The following ITPR1 variants were observed in gnomAD, a reference collection of about 807,000 sequenced individuals.
ITPR1 encodes inositol 1,4,5-trisphosphate receptor type 1.
Under a neutral mutation model 318.4 loss-of-function variants are expected in ITPR1, and 96 were observed. That is an observed-to-expected ratio of 0.30 (90% CI 0.26 to 0.36). The LOEUF (loss-of-function observed/expected upper bound fraction) is 0.36. ITPR1 is among the 10% of genes least tolerant of loss of function. ITPR1 has a pLI of 1.00. For synonymous variants in ITPR1, 1,312 were observed against 1,289.9 expected, an observed-to-expected ratio of 1.02 and a Z score of -0.37; for missense variants, 2,440 against 3,460.2, an observed-to-expected ratio of 0.71 and a Z score of 7.40.
intron 42 of ITPR1, among the ~76,000 whole-genome samples, chr3:4,730,690 G>C (rs557232458): frequency 5.9e-5 from 9 of 152,048 alleles, no homozygotes; most frequent in Admixed American, 1.3e-4. Flanking sequence ...AAACACGAAG[G>C]GGGGAAGAAA....
intron 36 of ITPR1, among the ~76,000 whole-genome samples, chr3:4,705,147 A>T (rs2094730421): frequency 1.3e-5 from 2 of 152,070 alleles, no homozygotes; most frequent in African/African-American, 4.8e-5. Context: ...TAGTGTTTTG[A>T]AGCATTGAAG....
chr3:4,602,555 A>G (rs1278867290), intron 4 of ITPR1, among the ~76,000 whole-genome samples: 1 of 151,940 alleles, frequency 6.6e-6, no homozygotes, highest in Non-Finnish European at 1.5e-5. Context: ...AAAAACTTGT[A>G]CATAAACATT....
intron 4 of ITPR1, among the ~76,000 whole-genome samples, chr3:4,531,998 C>T (rs1053422164): frequency 6.6e-6 from 1 of 152,218 alleles, no homozygotes; most frequent in Non-Finnish European, 1.5e-5. Flanking sequence ...GTATACCTCA[C>T]AGGGTTTTCA....
In ITPR1 at chr3:4,710,625, A is replaced by T. The variant is rs1255610956; in HGVS notation, c.4991+152A>T. Among the ~76,000 whole-genome samples the T allele has an allele frequency of 6.6e-6, 1 of 152,202 alleles. No homozygotes were observed. Among genetic ancestry groups the T allele is most frequent in the Admixed American group, 6.5e-5 (1 of 15,286 alleles). On this transcript the variant is annotated intron_variant, in intron 38 of 61. Transcript: ENST00000649015. The surrounding 1 kb of genome is among the most constrained non-coding windows in gnomAD (Gnocchi z 4.2). ...AGTCCTGTTCTGACCTCCCCAAAGTAAGTTTGTCTATTAAATCCTGCTTAC... is the reference window on the plus strand; with the variant it reads ...AGTCCTGTTCTGACCTCCCCAAAGTTAGTTTGTCTATTAAATCCTGCTTAC...
At chr3:4,495,334 T>G (rs2080466464) in intron 2 of ITPR1, among the ~76,000 whole-genome samples, 1 of 152,178 alleles carries the variant, frequency 6.6e-6, no homozygotes, top group African/African-American at 2.4e-5. Context: ...TTTTTTAACA[T>G]TCTAAATATT....
chr3:4,828,779 A>G (rs2050246210), intron 60 of ITPR1, among the ~76,000 whole-genome samples: 2 of 152,148 alleles, frequency 1.3e-5, no homozygotes, highest in Non-Finnish European at 2.9e-5. Context: ...GGGAAGGGTG[A>G]TTGGTCATTC....
chr3:4,669,010 A>C (rs2094013836), intron 18 of ITPR1, among the ~76,000 whole-genome samples: 2 of 152,192 alleles, frequency 1.3e-5, no homozygotes, highest in Admixed American at 1.3e-4. Context: ...AGCAATTTAC[A>C]ATGTGGGTGT....
intron 43 of ITPR1, among the ~76,000 whole-genome samples, chr3:4,733,992 T>C (rs1186205588): frequency 6.6e-6 from 1 of 152,242 alleles, no homozygotes; most frequent in Non-Finnish European, 1.5e-5. Flanking sequence ...GTGGGGCAGC[T>C]TCAGATCCTT....
chr3:4,727,235 AGCC>A, intron 42 of ITPR1, 62 bp downstream of exon 42: 3 of 1,200,490 alleles, frequency 2.5e-6, no homozygotes, highest in Non-Finnish European at 3.5e-6. Flanking sequence ...CACCTCCATC[AGCC>A]ACACACTGTG....
intron 5 of ITPR1, among the ~76,000 whole-genome samples, chr3:4,629,089 A>G (rs1352436297): frequency 1.4e-5 from 2 of 145,806 alleles, no homozygotes; most frequent in East Asian, 2.0e-4. Flanking sequence ...TTGAACCTAA[A>G]GTGAAATCCA....
intron 2 of ITPR1, among the ~76,000 whole-genome samples, chr3:4,511,975 A>T (rs141457869): frequency 6.6e-6 from 1 of 152,104 alleles, no homozygotes; most frequent in African/African-American, 2.4e-5. Context: ...GGGCTAAGGG[A>T]GGGGACAGGA....
intron 13 of ITPR1, among the ~76,000 whole-genome samples, chr3:4,660,233 A>G (rs773382687): frequency 6.6e-6 from 1 of 152,166 alleles, no homozygotes; most frequent in Non-Finnish European, 1.5e-5. Context: ...GGTTGAATCT[A>G]TACTTCCATG....
rs1428624432 is a variant in ITPR1 at position 4,710,430 on chromosome 3, A to T, written c.4948A>T (p.Thr1650Ser). The change falls in exon 38 of 62, where the codon ACA becomes TCA. Residue 1650 changes from threonine to serine, a missense_variant. By Grantham distance (58) the Thr-to-Ser change is moderately conservative (BLOSUM62 1). Around this residue, in one of 23 missense-constraint regions of ITPR1, gnomAD observed 166 missense variants for 246.5 expected, o/e 0.67. Transcript: ENST00000649015. The surrounding 1 kb of genome is among the most constrained non-coding windows in gnomAD (Gnocchi z 4.2). ...HRPELLFPEN[T>S]DARRKCESGG... is the part of the protein sequence containing the mutation. The stretch of plus-strand genomic sequence containing the variant: ...ACCCGAGCTGCTTTTCCCAGAGAAC[A>T]CAGACGCCAGAAGGAAATGTGAAAG... 1 of 1,554,816 alleles carries T rather than the reference A, an allele frequency of 6.4e-7. No homozygotes were observed.
At chr3:4,685,000 C>T in intron 29 of ITPR1, 69 bp from the exon 30 acceptor site, 1 of 1,518,414 alleles carries the variant, frequency 6.6e-7, no homozygotes. Context: ...CTGCCCGCCA[C>T]CACCCTCTGC....
intron 40 of ITPR1, 92 bp downstream of exon 40, chr3:4,717,491 C>A: frequency 9.8e-7 from 1 of 1,022,262 alleles, no homozygotes; most frequent in South Asian, 1.3e-5. Flanking sequence ...CCTCTAGTCT[C>A]ACAGCGTCGA....
rs933650616 is a variant in ITPR1 at position 4,826,128 on chromosome 3, C to T, written c.8028+7886C>T. Among the ~76,000 whole-genome samples the T allele has an allele frequency of 5.3e-5, 8 of 152,240 alleles. No homozygotes were observed. The highest frequency in any genetic ancestry group is 1.9e-4 in the African/African-American group (8 of 41,454). On this transcript the variant is annotated intron_variant, in intron 60 of 61. Transcript: ENST00000649015. The surrounding 1 kb of genome is among the most constrained non-coding windows in gnomAD (Gnocchi z 4.2). ...TCCTCTGTGCATGAAGCAGGCAGCT[C>T]CTGGCTGTTGATAAAGTGCCGTGGA... is the stretch of plus-strand genomic sequence containing the variant.
In ITPR1 at chr3:4,717,379, G is replaced by A. The variant is rs768509616; in HGVS notation, c.5116G>A (p.Asp1706Asn). ...RGYGEKLISI[D>N]ELDNAELPPA... ...TTTTCTTTTCCAGCTAATTTCCATT[G>A]ATGAATTGGATAATGCTGAGGTCCT... Residue 1706 changes from aspartate to asparagine, a missense_variant, in exon 40 of 62, where the codon GAT becomes AAT. Asp to Asn is a conservative substitution (Grantham distance 23). Coordinates refer to ENST00000649015, the MANE Select transcript of ITPR1 (RefSeq NM_001378452.1). 37 of 1,595,794 alleles carry A rather than the reference G, an allele frequency of 2.3e-5. No individual in the cohort carries two copies. The highest frequency in any genetic ancestry group is 6.8e-6 in the Non-Finnish European group (8 of 1,177,046).
intron 12 of ITPR1, among the ~76,000 whole-genome samples, 171 bp from the exon 13 acceptor site, chr3:4,657,953 C>G (rs756978458): frequency 6.6e-6 from 1 of 152,194 alleles, no homozygotes; most frequent in Non-Finnish European, 1.5e-5. Flanking sequence ...ATATCCCTGG[C>G]TGCATGGCCA....
chr3:4,667,391 G>A lies in ITPR1; in HGVS notation c.1728G>A (p.Lys576=). Residue 576 remains lysine, a synonymous_variant, in exon 18 of 62, where the codon AAG becomes AAA. Coordinates refer to ENST00000649015, the MANE Select transcript of ITPR1 (RefSeq NM_001378452.1). ...TCCTTATAAAGGAGTATATAGCCAA[G>A]CAGTTTGGCTTCATGCAGAAGCAGA... ...DYRKNQEYIA[K]QFGFMQKQIG... 1.2e-6 allele frequency: 2 copies of A among 1,609,130 alleles called. No individual in the cohort carries two copies. The highest frequency in any genetic ancestry group is 1.1e-5 in the South Asian group (1 of 89,970).
Sources: allele counts gnomAD v4.1 joint callset (sites outside exome capture counted in the v4.1 genomes callset), GRCh38; gene constraint gnomAD v4.1.1; regional missense constraint gnomAD v4.1.1; non-coding constraint Gnocchi (gnomAD v3.1); transcripts MANE v1.5; gene names NCBI Gene and HGNC (gene_info 2026-07-23, HGNC 2026-07-21).